Variants in ADCY8 observed in about 807,000 individuals in gnomAD.
The protein encoded by ADCY8 is adenylate cyclase type 8.
A neutral mutation model predicts 119.7 loss-of-function variants in ADCY8; 51 were observed. The observed-to-expected ratio is 0.43, with a 90% CI of 0.34 to 0.54. The LOEUF (loss-of-function observed/expected upper bound fraction) is 0.54, where lower values mean the gene tolerates loss of function less well. Ranked by LOEUF, ADCY8 falls within the 20% of genes least tolerant of loss-of-function variation. ADCY8 has a pLI of 0.03. For missense variants in ADCY8, 1,383 were observed against 1,598.8 expected, an observed-to-expected ratio of 0.87 and a Z score of 2.30; for synonymous variants, 665 against 651.0, an observed-to-expected ratio of 1.02 and a Z score of -0.33.
At chr8:130,913,341 C>A (rs1471089895) in intron 5 of ADCY8, among the ~76,000 whole-genome samples, 5 of 152,072 alleles carry the variant, frequency 3.3e-5, no homozygotes, top group East Asian at 1.9e-4. Flanking sequence ...CCTAACCCCC[C>A]ACTACCCTTC....
intron 2 of ADCY8, among the ~76,000 whole-genome samples, chr8:130,961,906 T>A (rs536519166): frequency 6.6e-6 from 1 of 152,212 alleles, no homozygotes; most frequent in Admixed American, 6.5e-5. Flanking sequence ...GCCCAGGAGT[T>A]CAAGGCTGCA....
chr8:130,916,081 G>T (rs1018275967), intron 5 of ADCY8, among the ~76,000 whole-genome samples: 1 of 152,210 alleles, frequency 6.6e-6, no homozygotes, highest in African/African-American at 2.4e-5. Flanking sequence ...ACAAGTGAGA[G>T]AACTGAGTCA....
In ADCY8 at chr8:130,836,432, C is replaced by T; in HGVS notation, c.2520G>A (p.Gly840=). ...CTGCACAGGTCACCATGGCCAACAC[C>T]CCCGTGAAGACAAAGTACTGGAAAC... ...CSYPEYFVFT[G]VLAMVTCAVF... The change falls in exon 12 of 18, where the codon GGG becomes GGA. Residue 840 remains glycine (G), a synonymous_variant. Transcript: ENST00000286355. 6.2e-7 allele frequency: 1 copy of T among 1,613,626 alleles called. No homozygotes were observed. Among genetic ancestry groups the T allele is most frequent in the Non-Finnish European group, 8.5e-7 (1 of 1,179,754 alleles).
intron 12 of ADCY8, among the ~76,000 whole-genome samples, chr8:130,832,916 C>T (rs1261966478): frequency 1.3e-5 from 2 of 152,206 alleles, no homozygotes; most frequent in African/African-American, 4.8e-5. Flanking sequence ...TATGACTTTG[C>T]ATATGCAACA....
chr8:130,930,702 T>A (rs1349678552), intron 5 of ADCY8, among the ~76,000 whole-genome samples: 2 of 152,188 alleles, frequency 1.3e-5, no homozygotes, highest in Admixed American at 1.3e-4. Context: ...ATATTTTTAA[T>A]CCACTTCTCT....
chr8:130,820,494 C>T (rs571170337), intron 13 of ADCY8, among the ~76,000 whole-genome samples: 17 of 152,216 alleles, frequency 1.1e-4, no homozygotes, highest in East Asian at 1.9e-4. Context: ...TCTCCCCAAG[C>T]GACGAACGTT....
At chr8:130,985,795 C>T (rs1427348233) in intron 2 of ADCY8, among the ~76,000 whole-genome samples, 1 of 152,118 alleles carries the variant, frequency 6.6e-6, no homozygotes, top group African/African-American at 2.4e-5. Flanking sequence ...TCCGAACCAC[C>T]AGTTTACACC....
chr8:130,887,364 T>G (rs1345395532), intron 7 of ADCY8, among the ~76,000 whole-genome samples: 3 of 152,168 alleles, frequency 2.0e-5, no homozygotes, highest in Non-Finnish European at 4.4e-5. Context: ...CTTCTTTCTT[T>G]CATCACCACC....
chr8:130,865,877 G>C (rs1168960323), intron 9 of ADCY8, among the ~76,000 whole-genome samples: 3 of 152,052 alleles, frequency 2.0e-5, no homozygotes, highest in Non-Finnish European at 4.4e-5. Context: ...TGTCTTGATG[G>C]TTCCAGCTCT....
At chr8:130,947,351 A>G (rs1040814463) in intron 3 of ADCY8, among the ~76,000 whole-genome samples, 2 of 152,190 alleles carry the variant, frequency 1.3e-5, no homozygotes, top group African/African-American at 2.4e-5. Flanking sequence ...ATTTTCCTTG[A>G]TAATACAGCA....
intron 2 of ADCY8, among the ~76,000 whole-genome samples, chr8:130,988,300 T>A (rs1213446187): frequency 1.3e-5 from 2 of 152,158 alleles, no homozygotes; most frequent in Non-Finnish European, 1.5e-5. Context: ...ACAATACCCT[T>A]GGGTAAATAA....
intron 5 of ADCY8, among the ~76,000 whole-genome samples, chr8:130,913,763 C>A (rs978515609): frequency 6.6e-6 from 1 of 152,144 alleles, no homozygotes; most frequent in Non-Finnish European, 1.5e-5. Context: ...TTGTTACTAT[C>A]CTGACTGGCA....
intron 14 of ADCY8, among the ~76,000 whole-genome samples, chr8:130,809,623 C>T (rs1481404699): frequency 1.3e-5 from 2 of 152,164 alleles, no homozygotes; most frequent in African/African-American, 2.4e-5. Context: ...AATCATATTA[C>T]AGTTGAAGAA....
intron 1 of ADCY8, among the ~76,000 whole-genome samples, chr8:131,025,271 A>G (rs986466120): frequency 4.6e-5 from 7 of 152,058 alleles, no homozygotes; most frequent in Admixed American, 3.9e-4. Flanking sequence ...TATTAATCTT[A>G]TTGCCTCTGA....
intron 2 of ADCY8, among the ~76,000 whole-genome samples, chr8:130,988,387 T>G (rs1026480784): frequency 1.3e-5 from 2 of 152,246 alleles, no homozygotes. Flanking sequence ...AGTATTTTAC[T>G]TAATCCTAGG....
chr8:130,796,374 A>G (rs897680282), intron 15 of ADCY8, among the ~76,000 whole-genome samples: 5 of 152,178 alleles, frequency 3.3e-5, no homozygotes, highest in Non-Finnish European at 7.3e-5. Context: ...TTATTGAGGC[A>G]GGGGCTGTGG....
chr8:130,897,189 T>C (rs757247026), intron 7 of ADCY8, among the ~76,000 whole-genome samples: 10 of 152,088 alleles, frequency 6.6e-5, no homozygotes, highest in Non-Finnish European at 1.5e-4. Flanking sequence ...ACCAGTTCAC[T>C]CTGAGGAGCC....
chr8:130,797,296 A>G (rs1403214369), intron 15 of ADCY8, among the ~76,000 whole-genome samples: 1 of 152,210 alleles, frequency 6.6e-6, no homozygotes, highest in Non-Finnish European at 1.5e-5. Context: ...GTAGCCCAAG[A>G]CAATTCTTCT....
intron 2 of ADCY8, among the ~76,000 whole-genome samples, chr8:130,958,590 C>T (rs889601940): frequency 6.6e-6 from 1 of 152,194 alleles, no homozygotes; most frequent in African/African-American, 2.4e-5. Flanking sequence ...AGGACATCTT[C>T]CATGGCAGCA....
Sources: gnomAD v4.1 joint callset for allele counts (sites outside exome capture counted in the v4.1 genomes callset) on GRCh38, gnomAD v4.1.1 for gene constraint, MANE v1.5 for transcripts, NCBI Gene and HGNC (gene_info 2026-07-23, HGNC 2026-07-21) for gene names.